Variants in ZNF362 observed in about 807,000 individuals in gnomAD.
The protein encoded by ZNF362 is zinc finger protein 362, also known as rotund homolog.
A neutral mutation model predicts 42.9 loss-of-function variants in ZNF362; 11 were observed. The ratio of observed to expected loss-of-function variants is 0.26; its 90% CI spans 0.16 to 0.42. The LOEUF (loss-of-function observed/expected upper bound fraction) is 0.42. ZNF362 is among the 20% of genes least tolerant of loss of function. The probability of loss-of-function intolerance (pLI) is 1.00; values close to 1 mark genes in which losing one functional copy is unlikely to be tolerated. For synonymous variants in ZNF362, 255 were observed against 257.3 expected, an observed-to-expected ratio of 0.99 and a Z score of 0.09; for missense variants, 362 against 576.2, an observed-to-expected ratio of 0.63 and a Z score of 3.81.
the ZNF362 span, among the ~76,000 whole-genome samples, chr1:33,144,638 T>C: frequency 1.3e-5 from 2 of 152,344 alleles, no homozygotes; most frequent in African/African-American, 4.8e-5. Flanking sequence ...TTTAAAAGCT[T>C]GATATTTCTT....
At chr1:33,195,425 G>T in the ZNF362 span, 1 of 152,180 alleles carries the variant, frequency 6.6e-6, no homozygotes, top group African/African-American at 2.4e-5. Flanking sequence ...ATTTAATGAT[G>T]AGGATGTATT....
the ZNF362 span, among the ~76,000 whole-genome samples, chr1:33,155,117 G>A: frequency 6.8e-6 from 1 of 146,132 alleles, no homozygotes; most frequent in Non-Finnish European, 1.5e-5. Context: ...TGTCGCCCAG[G>A]CTGTAGTGCA....
At chr1:33,188,934 A>G in the ZNF362 span, among the ~76,000 whole-genome samples, 62 of 152,240 alleles carry the variant, frequency 4.1e-4, no homozygotes, top group African/African-American at 1.4e-3. Context: ...ATCAATCCAC[A>G]TGCTTCTTCC....
chr1:33,211,605 T>C, the ZNF362 span, among the ~76,000 whole-genome samples: 1 of 152,186 alleles, frequency 6.6e-6, no homozygotes, highest in Non-Finnish European at 1.5e-5. Context: ...CAGAGAGATC[T>C]GCTAGTCTGA....
At chr1:33,277,610 C>T (rs766902631) in intron 4 of ZNF362, among the ~76,000 whole-genome samples, 4 of 152,014 alleles carry the variant, frequency 2.6e-5, no homozygotes, top group Admixed American at 6.6e-5. Context: ...AGTGTGGTGG[C>T]CTGGGCAATG....
chr1:33,227,199 T>C, the ZNF362 span, among the ~76,000 whole-genome samples: 1 of 152,178 alleles, frequency 6.6e-6, no homozygotes, highest in Non-Finnish European at 1.5e-5. Context: ...GAATTATATC[T>C]CAATAAAACT....
intron 6 of ZNF362, among the ~76,000 whole-genome samples, chr1:33,293,493 C>T (rs1022903660): frequency 6.6e-6 from 1 of 152,076 alleles, no homozygotes; most frequent in Non-Finnish European, 1.5e-5. Flanking sequence ...CTGGGCCTGG[C>T]CAGAGGGGCT....
chr1:33,195,917 T>A, the ZNF362 span: 1 of 152,228 alleles, frequency 6.6e-6, no homozygotes, highest in Non-Finnish European at 1.5e-5. Context: ...TTATAAACTT[T>A]TTAAACTTTT....
intron 1 of ZNF362, among the ~76,000 whole-genome samples, chr1:33,257,492 G>C (rs1645801814): frequency 6.7e-6 from 1 of 150,360 alleles, no homozygotes; most frequent in Admixed American, 6.6e-5. Flanking sequence ...TTCTCCCCCA[G>C]CCAGCTGCCT....
the ZNF362 span, among the ~76,000 whole-genome samples, chr1:33,225,933 C>T: frequency 1.3e-5 from 2 of 152,180 alleles, no homozygotes; most frequent in Admixed American, 6.5e-5. Context: ...TGTTCCCCAG[C>T]AGACCCCCTC....
At chr1:33,267,774 G>A (rs960430382) in intron 1 of ZNF362, among the ~76,000 whole-genome samples, 1 of 152,142 alleles carries the variant, frequency 6.6e-6, no homozygotes, top group African/African-American at 2.4e-5. Context: ...TAAAATTTCG[G>A]CTGTTCCAGG....
the ZNF362 span, among the ~76,000 whole-genome samples, chr1:33,133,936 A>T: frequency 6.6e-6 from 1 of 152,234 alleles, no homozygotes; most frequent in African/African-American, 2.4e-5. Context: ...CAGATGCTTT[A>T]CATGCCTTAT....
the ZNF362 span, chr1:33,158,438 G>T: frequency 6.3e-6 from 8 of 1,270,908 alleles, no homozygotes; most frequent in Non-Finnish European, 9.2e-6. Flanking sequence ...GGGCCCCGCA[G>T]CCACCTTCAG....
intron 6 of ZNF362, among the ~76,000 whole-genome samples, chr1:33,283,426 G>A (rs10914677): frequency 0.69 from 104,987 of 152,122 alleles, 36,365 homozygotes; most frequent in East Asian, 0.76. Context: ...CAAATGGCAG[G>A]CTGGGCTCAG....
At chr1:33,218,948 C>G in the ZNF362 span, among the ~76,000 whole-genome samples, 7 of 147,940 alleles carry the variant, frequency 4.7e-5, no homozygotes, top group Middle Eastern at 6.9e-3. Flanking sequence ...CACACACACA[C>G]ACACACACAC....
chr1:33,181,249 G>T, the ZNF362 span: 1 of 1,550,944 alleles, frequency 6.4e-7, no homozygotes, highest in East Asian at 2.4e-5. This position sits in a 1 kb window ranked among gnomAD's most constrained non-coding sequence, Gnocchi z 6.5. Context: ...CTGGGCGCCA[G>T]CGCGGGCTCG....
the ZNF362 span, among the ~76,000 whole-genome samples, chr1:33,248,402 C>T: frequency 6.6e-6 from 1 of 152,192 alleles, no homozygotes; most frequent in Non-Finnish European, 1.5e-5. Context: ...TAGTCTTCAC[C>T]CTCTGGCTAA....
At chr1:33,189,052 T>TG in the ZNF362 span, among the ~76,000 whole-genome samples, 1 of 152,202 alleles carries the variant, frequency 6.6e-6, no homozygotes, top group African/African-American at 2.4e-5. Flanking sequence ...GCCACGACTC[T>TG]TTCTGCACCA....
intron 4 of ZNF362, among the ~76,000 whole-genome samples, chr1:33,278,424 A>C (rs1400562504): frequency 1.3e-5 from 2 of 152,256 alleles, no homozygotes; most frequent in Non-Finnish European, 2.9e-5. Flanking sequence ...AAAGGAGAAA[A>C]AATAGCCTTA....
Sources: gnomAD v4.1 joint callset for allele counts (sites outside exome capture counted in the v4.1 genomes callset) on GRCh38, gnomAD v4.1.1 for gene constraint, Gnocchi (gnomAD v3.1) non-coding constraint, MANE v1.5 for transcripts, NCBI Gene and HGNC (gene_info 2026-07-23, HGNC 2026-07-21) for gene names.